AGMO: variants seen among roughly 807,000 people sequenced by gnomAD.
AGMO encodes the protein glyceryl-ether monooxygenase.
Under a neutral mutation model 60.2 loss-of-function variants are expected in AGMO, and 75 were observed. That is an observed-to-expected ratio of 1.25 (90% CI 1.03 to 1.51). AGMO has a LOEUF of 1.51. AGMO is among the 40% of genes most tolerant of loss of function. The pLI is 0.00. For missense variants in AGMO, 763 were observed against 525.5 expected (o/e 1.45, Z -4.42); for synonymous variants, 261 against 177.1 (o/e 1.47, Z -3.76).
chr7:15,248,003 A>T (rs1377038250), intron 12 of AGMO, among the ~76,000 whole-genome samples: 1 of 151,186 alleles, frequency 6.6e-6, no homozygotes, highest in Non-Finnish European at 1.5e-5. Flanking sequence ...GTGAAGTCTT[A>T]AAAAGAAGAG....
At chr7:15,258,257 G>A (rs775707907) in intron 12 of AGMO, among the ~76,000 whole-genome samples, 2 of 152,050 alleles carry the variant, frequency 1.3e-5, no homozygotes, top group Non-Finnish European at 2.9e-5. Flanking sequence ...TAGTTTATGT[G>A]GGACCAAAGA....
the AGMO span, among the ~76,000 whole-genome samples, chr7:15,126,057 TC>T: frequency 2.6e-4 from 39 of 152,196 alleles, no homozygotes; most frequent in African/African-American, 9.1e-4. Context: ...AGTACCACAG[TC>T]TACTCCAAAA....
At chr7:15,475,075 C>T (rs11984373) in intron 3 of AGMO, among the ~76,000 whole-genome samples, 2,211 of 152,128 alleles carry the variant, frequency 0.015, 73 homozygotes, top group African/African-American at 0.05. Flanking sequence ...GAAATAGGAA[C>T]GCATTTACAG....
At chr7:15,345,985 G>A (rs148452114) in intron 12 of AGMO, among the ~76,000 whole-genome samples, 25 of 152,076 alleles carry the variant, frequency 1.6e-4, no homozygotes, top group Admixed American at 7.2e-4. Flanking sequence ...TATTAAAAAC[G>A]TTAGTACAAT....
intron 3 of AGMO, among the ~76,000 whole-genome samples, chr7:15,495,870 T>TCC (rs1443294092): frequency 2.0e-5 from 3 of 149,980 alleles, no homozygotes; most frequent in Non-Finnish European, 4.5e-5. Flanking sequence ...CTCTCTCCTC[T>TCC]CTCTCTCTCA....
At chr7:15,560,374 A>C in intron 1 of AGMO, 103 bp from the exon 2 acceptor site, 1 of 1,284,072 alleles carries the variant, frequency 7.8e-7, no homozygotes. Flanking sequence ...AGATTTGGGA[A>C]GCCCTGCAGG....
chr7:15,234,315 T>C (rs771207351), intron 12 of AGMO, among the ~76,000 whole-genome samples: 15 of 152,264 alleles, frequency 9.9e-5, no homozygotes, highest in South Asian at 2.1e-4. Flanking sequence ...TAAATGTCTA[T>C]CTCTCCCAAG....
At chr7:15,478,415 G>A (rs116796515) in intron 3 of AGMO, among the ~76,000 whole-genome samples, 1 of 152,272 alleles carries the variant, frequency 6.6e-6, no homozygotes, top group African/African-American at 2.4e-5. Flanking sequence ...TTGAAGTACA[G>A]GGGAAATGTT....
intron 12 of AGMO, among the ~76,000 whole-genome samples, chr7:15,218,560 TAA>T (rs1781817300): frequency 6.7e-6 from 1 of 149,018 alleles, no homozygotes; most frequent in Non-Finnish European, 1.5e-5. Flanking sequence ...AAAAAAATCT[TAA>T]AATATATTAA....
intron 3 of AGMO, 139 bp downstream of exon 3, chr7:15,544,633 T>A: frequency 1.3e-6 from 1 of 744,168 alleles, no homozygotes; most frequent in Non-Finnish European, 1.9e-6. Flanking sequence ...AAAGTAAACC[T>A]TCATTATTAA....
At chr7:15,386,873 C>T (rs1385327148) in intron 9 of AGMO, among the ~76,000 whole-genome samples, 1 of 152,046 alleles carries the variant, frequency 6.6e-6, no homozygotes, top group Non-Finnish European at 1.5e-5. Flanking sequence ...TTTTAAAGAT[C>T]TTTTTTATTT....
chr7:15,348,639 G>C (rs1436560566), intron 12 of AGMO, among the ~76,000 whole-genome samples: 1 of 151,968 alleles, frequency 6.6e-6, no homozygotes, highest in Non-Finnish European at 1.5e-5. Context: ...TGCAGTCAGA[G>C]AATCTACTTT....
intron 3 of AGMO, among the ~76,000 whole-genome samples, chr7:15,534,610 G>T (rs774083668): frequency 6.6e-6 from 1 of 151,748 alleles, no homozygotes; most frequent in Admixed American, 6.6e-5. Context: ...TCTTATTAAA[G>T]ACAAAGATAA....
At chr7:15,392,308 TCGTGATC>T (rs1486091008) in intron 6 of AGMO, among the ~76,000 whole-genome samples, 1 of 130,294 alleles carries the variant, frequency 7.7e-6, no homozygotes, top group Non-Finnish European at 1.6e-5. Context: ...TCTCCTGACC[TCGTGATC>T]CGCGATCCGC....
At chr7:15,517,634 C>T (rs1370348034) in intron 3 of AGMO, among the ~76,000 whole-genome samples, 1 of 151,980 alleles carries the variant, frequency 6.6e-6, no homozygotes, top group Non-Finnish European at 1.5e-5. Flanking sequence ...CATTCCAGCC[C>T]AGACGCTATG....
chr7:15,544,660 A>C, intron 3 of AGMO, 112 bp downstream of exon 3: 1 of 948,138 alleles, frequency 1.1e-6, no homozygotes, highest in Non-Finnish European at 1.4e-6. Context: ...TATCCGTAAA[A>C]TATACTATTT....
At chr7:15,121,920 G>C in the AGMO span, among the ~76,000 whole-genome samples, 1 of 152,192 alleles carries the variant, frequency 6.6e-6, no homozygotes, top group South Asian at 2.1e-4. Context: ...ATGGGTTAAA[G>C]GCTTAAATGT....
chr7:15,201,331 C>A lies in AGMO; in HGVS notation c.1292G>T (p.Trp431Leu). Residue 431 changes from tryptophan (W) to leucine (L), a missense_variant, in exon 13 of 13, where the codon TGG (tryptophan) becomes TTG (leucine). Physicochemically the swap from Trp to Leu is moderately conservative, Grantham distance 61. Transcript: ENST00000342526. Reference protein sequence around the residue: ...EIVFSICIAFWGVRSMKQLTS... With the variant: ...EIVFSICIAFLGVRSMKQLTS... ...GAGTTGTTTCATGCTTCTAACTCCCCAGAAAGCAATGCAAATGGAAAAAAC... is the reference window on the plus strand; with the variant it reads ...GAGTTGTTTCATGCTTCTAACTCCCAAGAAAGCAATGCAAATGGAAAAAAC... The A allele has an allele frequency of 6.2e-7, 1 of 1,611,832 alleles. No individual in the cohort carries two copies. Among genetic ancestry groups the A allele is most frequent in the Admixed American group, 1.7e-5 (1 of 59,836 alleles).
intron 12 of AGMO, among the ~76,000 whole-genome samples, chr7:15,316,428 A>G (rs2053509430): frequency 6.6e-6 from 1 of 152,202 alleles, no homozygotes; most frequent in South Asian, 2.1e-4. Flanking sequence ...CCACTGACTC[A>G]GAACAAAGTA....
Sources: gnomAD v4.1 joint callset for allele counts (sites outside exome capture counted in the v4.1 genomes callset) on GRCh38, gnomAD v4.1.1 for gene constraint, MANE v1.5 for transcripts, NCBI Gene and HGNC (gene_info 2026-07-23, HGNC 2026-07-21) for gene names.